Variants in KIAA0232 observed in about 807,000 individuals in gnomAD.
KIAA0232 encodes the protein uncharacterized protein KIAA0232.
Under a neutral mutation model 122.0 loss-of-function variants are expected in KIAA0232, and 27 were observed. That is an observed-to-expected ratio of 0.22 (90% CI 0.16 to 0.31). The LOEUF (loss-of-function observed/expected upper bound fraction) is 0.31. Ranked by LOEUF, KIAA0232 falls within the 10% of genes least tolerant of loss-of-function variation. The pLI is 1.00. For missense variants in KIAA0232, 1,551 were observed against 1,634.2 expected, an observed-to-expected ratio of 0.95 and a Z score of 0.88; for synonymous variants, 613 against 587.6, an observed-to-expected ratio of 1.04 and a Z score of -0.63.
chr4:6,855,597 AAT>A lies in KIAA0232; in HGVS notation c.370-1562_370-1561del, dbSNP rs1278351532. Among the ~76,000 whole-genome samples, 5 of 152,134 alleles carry A rather than the reference AAT, an allele frequency of 3.3e-5. No homozygotes were observed. The highest frequency in any genetic ancestry group is 6.6e-5 in the Admixed American group (1 of 15,264). Reference sequence around the variant, plus strand: ...ATACATATTTACTCATATATTAATAAATATATGTGTGTATATGTAATTAATTT... The same window carrying A: ...ATACATATTTACTCATATATTAATAAATATGTGTGTATATGTAATTAATTT... On this transcript the variant is annotated intron_variant, in intron 4 of 9. Transcript: ENST00000307659. This position sits in a 1 kb window ranked among gnomAD's most constrained non-coding sequence, Gnocchi z 4.3.
At chr4:6,850,043 T>C (rs1409963922) in intron 4 of KIAA0232, among the ~76,000 whole-genome samples, 1 of 152,194 alleles carries the variant, frequency 6.6e-6, no homozygotes, top group Non-Finnish European at 1.5e-5. Context: ...AATTGGGATT[T>C]TTTAACAGGA....
chr4:6,813,892 C>T (rs1717994844), intron 2 of KIAA0232, among the ~76,000 whole-genome samples: 2 of 152,058 alleles, frequency 1.3e-5, no homozygotes. Flanking sequence ...AGGAGTGAGC[C>T]TGGCTTGACG....
At chr4:6,820,068 G>A (rs1303605342) in intron 2 of KIAA0232, among the ~76,000 whole-genome samples, 1 of 152,092 alleles carries the variant, frequency 6.6e-6, no homozygotes, top group East Asian at 1.9e-4. Context: ...TGGATGTAAA[G>A]GTGACAGCAC....
At chr4:6,851,320 T>G (rs1329543036) in intron 4 of KIAA0232, among the ~76,000 whole-genome samples, 1 of 152,146 alleles carries the variant, frequency 6.6e-6, no homozygotes, top group Non-Finnish European at 1.5e-5. Context: ...TAGCCAAATA[T>G]CCTTCAGGAA....
chr4:6,788,693 T>C (rs368054324), intron 1 of KIAA0232, among the ~76,000 whole-genome samples: 1 of 152,360 alleles, frequency 6.6e-6, no homozygotes, highest in African/African-American at 2.4e-5. Flanking sequence ...TTGACTGAAT[T>C]AACTCAAAAT....
Position 6,855,967 on chromosome 4 carries a change from T to G in KIAA0232, c.370-1197T>G. The G allele has an allele frequency of 1.8e-6, 1 of 562,162 alleles. No individual in the cohort carries two copies. Among genetic ancestry groups the G allele is most frequent in the Non-Finnish European group, 2.3e-6 (1 of 443,262 alleles). The allele number at this position is 562,162 out of a possible 1,614,324, so 34.8% of individuals were successfully genotyped here. A position where few individuals can be genotyped will look rare whatever the true frequency, so the allele number is the denominator to read the frequency against. On this transcript the variant is annotated intron_variant, in intron 4 of 9. Coordinates refer to ENST00000307659, the MANE Select transcript of KIAA0232 (RefSeq NM_014743.3). This position sits in a 1 kb window ranked among gnomAD's most constrained non-coding sequence, Gnocchi z 4.3. Reference sequence around the variant, plus strand: ...GTTTATGACTAATATCTGCCATCGTTTTTAAGAGTGTTTTTAAAGGAAAGG... The same window carrying G: ...GTTTATGACTAATATCTGCCATCGTGTTTAAGAGTGTTTTTAAAGGAAAGG...
chr4:6,846,591 G>A (rs754182475), intron 4 of KIAA0232, among the ~76,000 whole-genome samples: 18 of 151,908 alleles, frequency 1.2e-4, no homozygotes, highest in Non-Finnish European at 2.4e-4. Context: ...CACGAAACCA[G>A]TCCCTGGTGC....
Position 6,861,840 on chromosome 4 carries a change from C to G in KIAA0232, c.1458C>G (p.Thr486=), listed in dbSNP as rs1319237130. The G allele has an allele frequency of 6.2e-7, 1 of 1,613,992 alleles. No individual in the cohort carries two copies. Among genetic ancestry groups the G allele is most frequent in the Non-Finnish European group, 8.5e-7 (1 of 1,179,948 alleles). The part of the protein sequence containing the change: ...VINEDIDLTG[T]SLCSLPEDNK... Reference sequence around the variant, plus strand: ...ATGAGGATATTGACCTCACTGGGACCTCATTATGTTCTCTACCAGAGGACA... The same window carrying G: ...ATGAGGATATTGACCTCACTGGGACGTCATTATGTTCTCTACCAGAGGACA... Residue 486 remains threonine (T), a synonymous_variant, in exon 7 of 10, where the codon ACC becomes ACG. Coordinates refer to ENST00000307659, the MANE Select transcript of KIAA0232 (RefSeq NM_014743.3).
intron 1 of KIAA0232, among the ~76,000 whole-genome samples, chr4:6,787,960 A>G (rs1716705649): frequency 6.6e-6 from 1 of 152,180 alleles, no homozygotes; most frequent in Non-Finnish European, 1.5e-5. Flanking sequence ...AATGTTAAAG[A>G]GTTAGGAAAT....
At chr4:6,856,053 A>G (rs1720550447) in intron 4 of KIAA0232, among the ~76,000 whole-genome samples, 1 of 152,234 alleles carries the variant, frequency 6.6e-6, no homozygotes, top group South Asian at 2.1e-4. Context: ...TGACGTGGAC[A>G]GAATGTAACT....
At chr4:6,854,605 A>G (rs914650010) in intron 4 of KIAA0232, among the ~76,000 whole-genome samples, 1 of 152,224 alleles carries the variant, frequency 6.6e-6, no homozygotes. Flanking sequence ...GCCACTTTGC[A>G]GGTTTGGAGT....
chr4:6,880,927 C>A lies in KIAA0232; in HGVS notation c.4149C>A (p.Gly1383=). ...TGSEGGGEWV[G]PSEEELFSRT... ...CAGAAGGCGGAGGCGAGTGGGTGGG[C>A]CCTAGTGAAGAGGAGCTCTTTTCTC... The change falls in exon 10 of 10, where the codon GGC becomes GGA. Residue 1383 remains glycine (G), a synonymous_variant. Transcript: ENST00000307659. 1 of 1,590,712 alleles carries A rather than the reference C, an allele frequency of 6.3e-7. No individual in the cohort carries two copies. The highest frequency in any genetic ancestry group is 1.8e-5 in the Admixed American group (1 of 56,326).
At chr4:6,869,046 C>T (rs569899121) in intron 7 of KIAA0232, among the ~76,000 whole-genome samples, 2 of 152,302 alleles carry the variant, frequency 1.3e-5, no homozygotes, top group African/African-American at 4.8e-5. Flanking sequence ...GGGCCCCATA[C>T]TTGGGAATGC....
intron 1 of KIAA0232, among the ~76,000 whole-genome samples, chr4:6,789,315 C>G (rs990133459): frequency 2.0e-5 from 3 of 147,160 alleles, no homozygotes; most frequent in Non-Finnish European, 3.0e-5. Flanking sequence ...ACTCTGTCAC[C>G]CAGGTTGGAG....
rs762504583 is a variant in KIAA0232, at chr4:6,789,399, C to T, written c.-354+6558C>T. 2.6e-5 allele frequency among the ~76,000 whole-genome samples: 4 copies of T among 151,374 alleles called. No individual in the cohort carries two copies. In the East Asian group the frequency reaches 7.8e-4, roughly 30 times the overall value. On this transcript the variant is annotated intron_variant, in intron 1 of 9. Transcript: ENST00000307659. ...AGTGATTCTCCTGCCTCAGACTCCCCAGTAGCTGGGATTACAGGTGCGTGC... is the reference window on the plus strand; with the variant it reads ...AGTGATTCTCCTGCCTCAGACTCCCTAGTAGCTGGGATTACAGGTGCGTGC...
chr4:6,824,148 T>C, intron 2 of KIAA0232, 37 bp from the exon 3 acceptor site: 2 of 479,182 alleles, frequency 4.2e-6, no homozygotes, highest in Non-Finnish European at 3.7e-6. Context: ...ATTATTTATA[T>C]ATAATGCATA....
chr4:6,790,330 T>C (rs1716834106), intron 1 of KIAA0232, among the ~76,000 whole-genome samples: 1 of 151,738 alleles, frequency 6.6e-6, no homozygotes, highest in Non-Finnish European at 1.5e-5. Flanking sequence ...TCACCCAGTT[T>C]GGAGATTTTT....
intron 4 of KIAA0232, among the ~76,000 whole-genome samples, chr4:6,844,721 C>T (rs1351779681): frequency 6.6e-6 from 1 of 152,164 alleles, no homozygotes; most frequent in African/African-American, 2.4e-5. Flanking sequence ...CAGGTGTGAG[C>T]CACCGTGCCT....
At chr4:6,851,366 G>A (rs1391921097) in intron 4 of KIAA0232, among the ~76,000 whole-genome samples, 1 of 152,146 alleles carries the variant, frequency 6.6e-6, no homozygotes, top group African/African-American at 2.4e-5. Context: ...AAAAGAAACT[G>A]CCATCTCCAT....
Sources: gnomAD v4.1 joint callset for allele counts (sites outside exome capture counted in the v4.1 genomes callset) on GRCh38, gnomAD v4.1.1 for gene constraint, Gnocchi (gnomAD v3.1) non-coding constraint, MANE v1.5 for transcripts, NCBI Gene and HGNC (gene_info 2026-07-23, HGNC 2026-07-21) for gene names.